VCL: variants seen among roughly 807,000 people sequenced by gnomAD.
VCL encodes the protein vinculin.
In VCL, 47 loss-of-function variants were observed where a neutral mutation model predicts 125.7. That is an observed-to-expected ratio of 0.37 (90% CI 0.30 to 0.48). The LOEUF (loss-of-function observed/expected upper bound fraction) is 0.48, where lower values mean the gene tolerates loss of function less well. Among genes scored for constraint, VCL ranks in the 20% least tolerant of loss-of-function variants. The probability of loss-of-function intolerance (pLI) is 0.99; values close to 1 mark genes in which losing one functional copy is unlikely to be tolerated. For missense variants in VCL, 1,069 were observed against 1,455.5 expected (o/e 0.73, Z 4.32); for synonymous variants, 458 against 514.6 (o/e 0.89, Z 1.49).
intron 10 of VCL, among the ~76,000 whole-genome samples, chr10:74,093,960 G>A (rs567626235): frequency 6.6e-6 from 1 of 152,340 alleles, no homozygotes; most frequent in South Asian, 2.1e-4. Flanking sequence ...GAGGAAACTG[G>A]TGTTTTCAGA....
intron 1 of VCL, among the ~76,000 whole-genome samples, chr10:74,025,941 CCAGTTCCATGATGAAATG>C (rs1840763863): frequency 6.6e-6 from 1 of 152,094 alleles, no homozygotes; most frequent in Non-Finnish European, 1.5e-5. Context: ...AAATGGGTTA[CCAGTTCCATGATGAAATG>C]CACGGAGTTT....
intron 4 of VCL, 102 bp from the exon 5 acceptor site, chr10:74,072,628 G>A (rs1224882264): frequency 1.9e-6 from 3 of 1,557,058 alleles, no homozygotes; most frequent in Non-Finnish European, 2.6e-6. Context: ...GTGAGCAATC[G>A]GTTTGAACTT....
chr10:74,035,269 T>G (rs79511699), intron 1 of VCL, among the ~76,000 whole-genome samples: 1 of 151,454 alleles, frequency 6.6e-6, no homozygotes, highest in African/African-American at 2.4e-5. Context: ...TTTTTTTTTT[T>G]GCTGGAAAGA....
rs755441334 is a variant in VCL, at chr10:73,998,370, G to T, written c.163G>T (p.Val55Phe). ...CGTGCAGGCGGCCGTCAGCAACCTC[G>T]TCCGGGTGAGCGCGCAGGGCCTGGC... Reference protein sequence around the residue: ...AAVQAAVSNLVRVGKETVQTT... With the variant: ...AAVQAAVSNLFRVGKETVQTT... Residue 55 changes from valine to phenylalanine, a missense_variant, in exon 1 of 22, where the codon GTC becomes TTC. Val to Phe is a conservative substitution (Grantham distance 50, BLOSUM62 -1). Around this residue, in one of 6 missense-constraint regions of VCL, gnomAD observed 96 missense variants for 137.6 expected, o/e 0.70. Transcript: ENST00000211998. 5.2e-6 allele frequency: 8 copies of T among 1,534,466 alleles called. No homozygotes were observed. Among genetic ancestry groups the T allele is most frequent in the Non-Finnish European group, 7.0e-6 (8 of 1,138,216 alleles).
chr10:74,029,123 T>G (rs2136238973), intron 1 of VCL, among the ~76,000 whole-genome samples: 1 of 149,748 alleles, frequency 6.7e-6, no homozygotes, highest in Admixed American at 6.6e-5. Context: ...AAGAATTTTT[T>G]TTTTTTTTGA....
chr10:74,072,693 A>G, intron 4 of VCL, 37 bp from the exon 5 acceptor site: 1 of 1,613,666 alleles, frequency 6.2e-7, no homozygotes, highest in Non-Finnish European at 8.5e-7. Context: ...GGATTGTTTC[A>G]CTACTCACCC....
intron 1 of VCL, among the ~76,000 whole-genome samples, chr10:74,005,649 G>A (rs547548806): frequency 3.3e-5 from 5 of 152,052 alleles, no homozygotes; most frequent in Admixed American, 6.6e-5. Flanking sequence ...GTTATCCGTC[G>A]GTATCCATGG....
chr10:74,095,976 T>A, intron 12 of VCL, 121 bp downstream of exon 12: 2 of 1,229,540 alleles, frequency 1.6e-6, no homozygotes, highest in Non-Finnish European at 2.3e-6. Flanking sequence ...ATGAAAAGAG[T>A]GTGACCAAAG....
At chr10:74,017,352 C>A (rs1235433098) in intron 1 of VCL, among the ~76,000 whole-genome samples, 3 of 151,814 alleles carry the variant, frequency 2.0e-5, no homozygotes, top group Non-Finnish European at 4.4e-5. Context: ...CGGCCTCCTT[C>A]CTTTTTAAGG....
chr10:74,004,829 C>T (rs112835742), intron 1 of VCL, among the ~76,000 whole-genome samples: 5,147 of 151,814 alleles, frequency 0.034, 239 homozygotes, highest in African/African-American at 0.11. Flanking sequence ...CTCAGCCTCC[C>T]GAGTAGCTGG....
downstream of VCL, chr10:74,120,229 A>C (rs990749663): frequency 2.6e-5 from 4 of 152,212 alleles, no homozygotes; most frequent in Admixed American, 2.0e-4. Context: ...GTTTTGATGA[A>C]TAGTCAATGA....
intron 1 of VCL, among the ~76,000 whole-genome samples, chr10:74,021,834 CT>C (rs200000454): frequency 3.3e-5 from 5 of 151,810 alleles, no homozygotes; most frequent in African/African-American, 9.6e-5. Flanking sequence ...CATTCCTCTT[CT>C]TTTTTTTTCC....
intron 1 of VCL, among the ~76,000 whole-genome samples, chr10:74,017,441 C>T (rs1840570378): frequency 1.4e-5 from 2 of 148,144 alleles, no homozygotes; most frequent in Non-Finnish European, 3.1e-5. Context: ...ATTGCTTCCA[C>T]CTTTTGGCTA....
At chr10:74,104,311 G>A (rs984220889) in intron 15 of VCL, among the ~76,000 whole-genome samples, 1 of 152,140 alleles carries the variant, frequency 6.6e-6, no homozygotes, top group African/African-American at 2.4e-5. Context: ...ACATTTCAAG[G>A]AACCACAATA....
chr10:74,003,808 C>T (rs1022872640), intron 1 of VCL, among the ~76,000 whole-genome samples: 3 of 152,216 alleles, frequency 2.0e-5, no homozygotes, highest in Non-Finnish European at 2.9e-5. Context: ...CAGCCTCGAA[C>T]TCCTGGGCCC....
At chr10:74,105,002 TTC>T (rs1274012177) in intron 15 of VCL, 47 bp from the exon 16 acceptor site, 1 of 1,601,796 alleles carries the variant, frequency 6.2e-7, no homozygotes, top group African/African-American at 1.3e-5. Flanking sequence ...GTTTTGGAGT[TTC>T]TGTTCTTCTA....
At chr10:74,088,765 C>T (rs2131907055) in intron 8 of VCL, among the ~76,000 whole-genome samples, 1 of 152,300 alleles carries the variant, frequency 6.6e-6, no homozygotes, top group Admixed American at 6.5e-5. Flanking sequence ...ATGCGTGCTT[C>T]CTCCTGAAAC....
At chr10:74,045,554 C>T (rs1013404210) in intron 2 of VCL, among the ~76,000 whole-genome samples, 1 of 144,758 alleles carries the variant, frequency 6.9e-6, no homozygotes, top group Non-Finnish European at 1.5e-5. Context: ...ATCCGGGTGG[C>T]GGAGGTTGCA....
At chr10:74,092,642 C>G (rs141231614) in intron 10 of VCL, among the ~76,000 whole-genome samples, 1 of 152,122 alleles carries the variant, frequency 6.6e-6, no homozygotes, top group African/African-American at 2.4e-5. Flanking sequence ...TGAGCTACCA[C>G]GGCCCAGGCT....
Sources: allele counts gnomAD v4.1 joint callset (sites outside exome capture counted in the v4.1 genomes callset), GRCh38; gene constraint gnomAD v4.1.1; regional missense constraint gnomAD v4.1.1; transcripts MANE v1.5; gene names NCBI Gene and HGNC (gene_info 2026-07-23, HGNC 2026-07-21).